The following SREBF2 variants were observed in gnomAD, a reference collection of about 807,000 sequenced individuals.
The protein encoded by SREBF2 is sterol regulatory element binding transcription factor 2.
Under a neutral mutation model 113.1 loss-of-function variants are expected in SREBF2, and 55 were observed. The observed-to-expected ratio is 0.49, with a 90% CI of 0.39 to 0.61. The LOEUF is 0.61. Among genes scored for constraint, SREBF2 ranks in the 20% least tolerant of loss-of-function variants. The pLI, the probability that SREBF2 is intolerant of heterozygous loss-of-function variation, is 0.00. For missense variants in SREBF2, 1,349 were observed against 1,487.4 expected (o/e 0.91, Z 1.53); for synonymous variants, 593 against 605.7 (o/e 0.98, Z 0.31).
intron 1 of SREBF2, among the ~76,000 whole-genome samples, chr22:41,863,959 A>C (rs990715541): frequency 1.3e-5 from 2 of 151,424 alleles, no homozygotes; most frequent in Non-Finnish European, 2.9e-5. Flanking sequence ...ATCTCGGCTT[A>C]CTGCAACCTC....
intron 1 of SREBF2, among the ~76,000 whole-genome samples, chr22:41,846,345 G>T (rs1256805924): frequency 2.0e-5 from 3 of 152,194 alleles, no homozygotes; most frequent in African/African-American, 7.2e-5. Context: ...TCTGTATATT[G>T]TCTCTGCTTT....
intron 8 of SREBF2, among the ~76,000 whole-genome samples, chr22:41,877,657 C>T (rs189321271): frequency 6.6e-6 from 1 of 152,230 alleles, no homozygotes; most frequent in Admixed American, 6.5e-5. Context: ...CTCTAAATAC[C>T]CTGGGGTGGA....
At position 41,867,188 on chromosome 22, in the gene SREBF2, C is replaced by T. The variant is rs775008707; in HGVS notation, c.446C>T (p.Thr149Met). 8 of 1,614,076 alleles carry T rather than the reference C, an allele frequency of 5.0e-6. No individual in the cohort carries two copies. The highest frequency in any genetic ancestry group is 6.8e-6 in the Non-Finnish European group (8 of 1,180,058). Reference sequence around the variant, plus strand: ...CCTCAAACTCAGCTGCAACAACAGACGGTAATGATCACGCCAACATTCAGC... The same window carrying T: ...CCTCAAACTCAGCTGCAACAACAGATGGTAATGATCACGCCAACATTCAGC... Reference protein sequence around the residue: ...PQPQTQLQQQTVMITPTFSTT... With the variant: ...PQPQTQLQQQMVMITPTFSTT... Residue 149 changes from threonine to methionine, a missense_variant, in exon 2 of 19, where the codon ACG (threonine) becomes ATG (methionine). Physicochemically the swap from Thr to Met is moderately conservative, Grantham distance 81 (BLOSUM62 -1). Transcript: ENST00000361204.
chr22:41,872,039 A>T (rs558932068), intron 4 of SREBF2, among the ~76,000 whole-genome samples: 1 of 152,112 alleles, frequency 6.6e-6, no homozygotes, highest in South Asian at 2.1e-4. Flanking sequence ...TCATGAGGTC[A>T]GGAGATCGAG....
At chr22:41,840,935 A>G (rs1291289400) in intron 1 of SREBF2, among the ~76,000 whole-genome samples, 1 of 152,164 alleles carries the variant, frequency 6.6e-6, no homozygotes, top group African/African-American at 2.4e-5. Flanking sequence ...CATGGCACTG[A>G]TTTGGGCCTC....
intron 3 of SREBF2, 122 bp from the exon 4 acceptor site, chr22:41,870,767 C>T (rs922906123): frequency 7.4e-7 from 1 of 1,351,302 alleles, no homozygotes; most frequent in South Asian, 1.2e-5. Context: ...TTTTTTTATT[C>T]TCAATTTCAT....
At chr22:41,849,686 T>C (rs1474224791) in intron 1 of SREBF2, among the ~76,000 whole-genome samples, 2 of 152,206 alleles carry the variant, frequency 1.3e-5, no homozygotes, top group Non-Finnish European at 2.9e-5. Flanking sequence ...TCAAGGCATA[T>C]GGTCTCATTT....
In SREBF2 at chr22:41,905,012, G is replaced by T. The variant is rs573308203; in HGVS notation, c.3205+38G>T. 2.0e-6 allele frequency: 3 copies of T among 1,531,148 alleles called. No individual in the cohort carries two copies. In the South Asian group the frequency reaches 3.5e-5, roughly 18 times the overall value. The allele number at this position is 1,531,148 out of a possible 1,614,324, so 94.8% of individuals were successfully genotyped here. ...CTCCCCAGCTCACAGGCTGGGCCAG[G>T]CCCTGCGCCCTAGGAAGAGAGGAGA... On this transcript the variant is annotated intron_variant, in intron 18 of 18. Transcript: ENST00000361204.
At chr22:41,845,872 C>T (rs985032662) in intron 1 of SREBF2, among the ~76,000 whole-genome samples, 41 of 152,146 alleles carry the variant, frequency 2.7e-4, no homozygotes, top group African/African-American at 8.9e-4. Flanking sequence ...CAGGGTATAC[C>T]CCCAAAGATC....
At chr22:41,890,195 A>C (rs140980076) in intron 11 of SREBF2, among the ~76,000 whole-genome samples, 351 of 152,306 alleles carry the variant, frequency 2.3e-3, no homozygotes, top group African/African-American at 7.9e-3. Context: ...CAAGCACTGC[A>C]CACCTCAAGC....
intron 1 of SREBF2, among the ~76,000 whole-genome samples, chr22:41,840,209 C>T (rs1006618794): frequency 1.3e-5 from 2 of 152,276 alleles, no homozygotes; most frequent in Non-Finnish European, 2.9e-5. Context: ...CCACCCGACT[C>T]GGTCTCCCAA....
At chr22:41,840,929 G>A (rs1205332647) in intron 1 of SREBF2, among the ~76,000 whole-genome samples, 1 of 152,170 alleles carries the variant, frequency 6.6e-6, no homozygotes. Context: ...CCTTTCCATG[G>A]CACTGATTTG....
At chr22:41,853,174 T>C (rs2076948006) in intron 1 of SREBF2, among the ~76,000 whole-genome samples, 2 of 152,234 alleles carry the variant, frequency 1.3e-5, no homozygotes, top group African/African-American at 4.8e-5. Context: ...TCTTAGAGCA[T>C]TGTGGGACAA....
chr22:41,899,974 G>A (rs2077451124), intron 15 of SREBF2: 1 of 1,205,272 alleles, frequency 8.3e-7, no homozygotes, highest in African/African-American at 1.6e-5. Flanking sequence ...TGGGGGGGTG[G>A]TCCCTTAAAG....
intron 9 of SREBF2, among the ~76,000 whole-genome samples, chr22:41,879,946 G>A (rs183444394): frequency 6.6e-6 from 1 of 152,246 alleles, no homozygotes; most frequent in East Asian, 1.9e-4. Flanking sequence ...CATGAAGCCG[G>A]GTGCTGTGGC....
chr22:41,863,020 G>C (rs932506103), intron 1 of SREBF2, among the ~76,000 whole-genome samples: 2 of 152,128 alleles, frequency 1.3e-5, no homozygotes, highest in Non-Finnish European at 2.9e-5. Context: ...CCCACAAAAG[G>C]GTTTCAAGAG....
intron 12 of SREBF2, 150 bp downstream of exon 12, chr22:41,893,435 A>G (rs2148411953): frequency 1.0e-6 from 1 of 970,096 alleles, no homozygotes; most frequent in Middle Eastern, 3.0e-4. Context: ...TGTTTGAACC[A>G]AAGCTCAGGG....
chr22:41,862,250 T>C (rs1416335441), intron 1 of SREBF2, among the ~76,000 whole-genome samples: 1 of 152,172 alleles, frequency 6.6e-6, no homozygotes, highest in Non-Finnish European at 1.5e-5. Context: ...GAACTCAGGG[T>C]CTCTTTGTGA....
In SREBF2 at chr22:41,861,247, G is replaced by A. The variant is rs139009107; in HGVS notation, c.89-5584G>A. Among the ~76,000 whole-genome samples the A allele has an allele frequency of 1.0e-3, 153 of 152,310 alleles. 1 individual carries two copies. Among genetic ancestry groups the A allele is most frequent in the African/African-American group, 3.6e-3 (151 of 41,576 alleles). ...GCCTGTAATCCCAGCACTTTGGGAG[G>A]CCGAGGCAGGTGGATCACAAGGTCA... On this transcript the variant is annotated intron_variant, in intron 1 of 18. Transcript: ENST00000361204.
Sources: allele counts gnomAD v4.1 joint callset (sites outside exome capture counted in the v4.1 genomes callset), GRCh38; gene constraint gnomAD v4.1.1; transcripts MANE v1.5; gene names NCBI Gene and HGNC (gene_info 2026-07-23, HGNC 2026-07-21).